Variants in BET1 observed in about 807,000 individuals in gnomAD.
BET1 encodes the protein BET1 homolog.
Under a neutral mutation model 13.9 loss-of-function variants are expected in BET1, and 9 were observed. The observed-to-expected ratio is 0.65, with a 90% confidence interval of 0.39 to 1.13. BET1 has a LOEUF of 1.13. Ranked by LOEUF, BET1 falls within the 50% of genes most tolerant of loss-of-function variation. The pLI is 0.01. For synonymous variants in BET1, 39 were observed against 47.3 expected, an observed-to-expected ratio of 0.82 and a Z score of 0.72; for missense variants, 127 against 133.6, an observed-to-expected ratio of 0.95 and a Z score of 0.24.
Position 94,003,592 on chromosome 7 carries a change from C to T in BET1, c.19+606G>A, listed in dbSNP as rs115583656. Among the ~76,000 whole-genome samples, 541 of 152,222 alleles carry T rather than the reference C, an allele frequency of 3.6e-3. 5 individuals carry two copies. The highest frequency in any genetic ancestry group is 0.012 in the African/African-American group (507 of 41,524). ...CTTGCTGATGAGCCAGTTTCCTAAC[C>T]CCAAAGGTAAAGATCAAATGTTAAG... On this transcript the variant is annotated intron_variant, in intron 1 of 3. Transcript: ENST00000222547.
At chr7:93,967,770 TA>T (rs1340765414) in intron 6 of BET1, among the ~76,000 whole-genome samples, 3 of 151,784 alleles carry the variant, frequency 2.0e-5, no homozygotes, top group African/African-American at 7.2e-5. Flanking sequence ...CCATATAATT[TA>T]TTATATAAAC....
Position 93,975,525 on chromosome 7 carries a change from T to G in BET1, c.*48+379A>C, listed in dbSNP as rs1795322030. 2.0e-5 allele frequency among the ~76,000 whole-genome samples: 3 copies of G among 152,230 alleles called. No individual in the cohort carries two copies. The South Asian group carries it at 6.2e-4, about 32-fold the overall frequency. ...GCCAGGAAATCCCTTATGTATGGCT[T>G]TAGTTGTAAAAAAATTAACAAATCG... On this transcript the variant is annotated intron_variant and NMD_transcript_variant, in intron 5 of 6. Coordinates refer to the BET1 transcript ENST00000357520.
chr7:94,000,865 A>C (rs1460806966), intron 1 of BET1, among the ~76,000 whole-genome samples: 1 of 152,166 alleles, frequency 6.6e-6, no homozygotes, highest in African/African-American at 2.4e-5. Context: ...TGCTGCACAC[A>C]GTTGCTTGCA....
In BET1 at chr7:94,004,316, G is replaced by C. The variant is rs940179913; in HGVS notation, c.-100C>G. The C allele has an allele frequency of 1.5e-5, 22 of 1,508,814 alleles. No individual in the cohort carries two copies. Among genetic ancestry groups the C allele is most frequent in the Non-Finnish European group, 1.7e-5 (19 of 1,086,110 alleles). 93.5% of individuals were successfully genotyped at this position (1,508,814 alleles called of 1,614,324 possible). On this transcript the variant is annotated 5_prime_UTR_variant, in exon 1 of 4. Coordinates refer to ENST00000222547, the MANE Select transcript of BET1 (RefSeq NM_005868.6). ...CGCGTCTTCAGTACCAGGGCCCAGCGAAACACCAACTTCTTCCCCTAAAGC... is the reference window on the plus strand; with the variant it reads ...CGCGTCTTCAGTACCAGGGCCCAGCCAAACACCAACTTCTTCCCCTAAAGC...
intron 2 of BET1, among the ~76,000 whole-genome samples, chr7:93,998,909 C>T (rs1159371001): frequency 6.6e-6 from 1 of 152,010 alleles, no homozygotes; most frequent in Non-Finnish European, 1.5e-5. Context: ...CTGTTTGAGA[C>T]ATTACAGCAG....
At chr7:93,970,147 G>A (rs904347882) in intron 6 of BET1, among the ~76,000 whole-genome samples, 4 of 151,752 alleles carry the variant, frequency 2.6e-5, no homozygotes, top group Non-Finnish European at 4.4e-5. Flanking sequence ...ATAAAATTTT[G>A]TACAATCTAA....
At chr7:94,000,693 G>A (rs935544084) in intron 1 of BET1, among the ~76,000 whole-genome samples, 34 of 152,216 alleles carry the variant, frequency 2.2e-4, no homozygotes, top group African/African-American at 7.7e-4. Flanking sequence ...ATAATATTGA[G>A]GTTGCAGAAA....
rs1339157383 is a variant in BET1, at chr7:93,995,910, G to A, written c.201+355C>T. 4 of 338,176 alleles carry A rather than the reference G, an allele frequency of 1.2e-5. No homozygotes were observed. In the East Asian group the frequency reaches 1.4e-4, roughly 12 times the overall value. The allele number at this position is 338,176 out of a possible 1,614,324, so 20.9% of individuals were successfully genotyped here. On this transcript the variant is annotated intron_variant, in intron 3 of 3. Transcript: ENST00000222547. Reference sequence around the variant, plus strand: ...CCATTAAGTGAACGACATTTAGTTGGTTGGATATCAAGTGCCTTTTGATTG... The same window carrying A: ...CCATTAAGTGAACGACATTTAGTTGATTGGATATCAAGTGCCTTTTGATTG...
chr7:93,974,334 C>T (rs1795304386), intron 5 of BET1, among the ~76,000 whole-genome samples: 1 of 151,900 alleles, frequency 6.6e-6, no homozygotes, highest in Non-Finnish European at 1.5e-5. Flanking sequence ...ACCTGTCACC[C>T]AGATTTTTGT....
At position 93,994,162 on chromosome 7, in the gene BET1, T is replaced by C. The variant is rs1034699260; in HGVS notation, c.*68A>G. On this transcript the variant is annotated 3_prime_UTR_variant, in exon 4 of 4. Transcript: ENST00000222547. ...TTGAACACTAGGAATGTTTTGATGC[T>C]GATTTTTATCAAAGTGGTACTGCAA... The C allele has an allele frequency of 8.5e-6, 13 of 1,526,478 alleles. No homozygotes were observed. The highest frequency in any genetic ancestry group is 1.1e-5 in the Non-Finnish European group (13 of 1,141,584). 94.6% of individuals were successfully genotyped at this position (1,526,478 alleles called of 1,614,324 possible).
chr7:93,995,010 A>AT (rs1171457101), intron 3 of BET1, among the ~76,000 whole-genome samples: 2 of 151,904 alleles, frequency 1.3e-5, no homozygotes, highest in East Asian at 3.9e-4. Flanking sequence ...CGCCCAGCTA[A>AT]TTTTTTTGTA....
chr7:93,993,182 T>C, downstream of BET1: 1 of 985,238 alleles, frequency 1.0e-6, no homozygotes, highest in Non-Finnish European at 1.2e-6. Flanking sequence ...TGGGTTGGAA[T>C]CTGAGTTGTC....
In BET1 at chr7:93,976,208, G is replaced by A. The variant is rs866813540; in HGVS notation, c.236-108C>T. 1.7e-5 allele frequency: 14 copies of A among 816,844 alleles called. No individual in the cohort carries two copies. In the Middle Eastern group the frequency reaches 3.5e-3, roughly 204 times the overall value. The allele number at this position is 816,844 out of a possible 1,614,324, so 50.6% of individuals were successfully genotyped here. ...CTCTCAGAAGAGTTACAGAAAAACTGAGCAGGTATTCAGAGAATTAATGGA... is the reference window on the plus strand; with the variant it reads ...CTCTCAGAAGAGTTACAGAAAAACTAAGCAGGTATTCAGAGAATTAATGGA... On this transcript the variant is annotated intron_variant and NMD_transcript_variant, in intron 4 of 6. Transcript: ENST00000357520.
intron 4 of BET1, chr7:93,976,231 G>T: frequency 1.6e-6 from 1 of 636,954 alleles, no homozygotes. Flanking sequence ...GAGAATTAAT[G>T]GAAGGCTTAT....
At chr7:93,990,307 G>A (rs919953710), downstream of BET1, among the ~76,000 whole-genome samples, 2 of 152,020 alleles carry the variant, frequency 1.3e-5, no homozygotes, top group East Asian at 3.9e-4. Flanking sequence ...ATTAAATAAT[G>A]TAAAAGCTTA....
intron 2 of BET1, among the ~76,000 whole-genome samples, chr7:93,997,836 T>C (rs773139987): frequency 7.9e-5 from 12 of 152,198 alleles, no homozygotes; most frequent in Non-Finnish European, 1.0e-4. Context: ...GTAAGTACAA[T>C]AGAAAACCTG....
At chr7:93,987,136 T>C (rs1795543409) in intron 4 of BET1, 1 of 152,128 alleles carries the variant, frequency 6.6e-6, no homozygotes, top group Admixed American at 6.6e-5. Context: ...GTTTTTTTAA[T>C]CTAGGCTTTC....
At chr7:93,996,211 A>G (rs1411833759) in intron 3 of BET1, 54 bp downstream of exon 3, 1 of 1,291,692 alleles carries the variant, frequency 7.7e-7, no homozygotes, top group Admixed American at 1.9e-5. Context: ...TTGAAATTCT[A>G]TTATTTGCGA....
chr7:93,974,691 A>G (rs559815663), intron 5 of BET1, among the ~76,000 whole-genome samples: 1 of 152,140 alleles, frequency 6.6e-6, no homozygotes, highest in Admixed American at 6.6e-5. Flanking sequence ...ATTCCAATTA[A>G]TAAGTAAAGA....
Sources: gnomAD v4.1 joint callset for allele counts (sites outside exome capture counted in the v4.1 genomes callset) on GRCh38, gnomAD v4.1.1 for gene constraint, MANE v1.5 for transcripts, NCBI Gene and HGNC (gene_info 2026-07-23, HGNC 2026-07-21) for gene names.